ZNF99: variants seen among roughly 807,000 people sequenced by gnomAD.
ZNF99 encodes zinc finger protein 99, also known as zinc finger protein ENSP00000375192.
In ZNF99, 8 loss-of-function variants were observed where a neutral mutation model predicts 12.8. That is an observed-to-expected ratio of 0.62 (90% CI 0.37 to 1.13). ZNF99 has a LOEUF of 1.13. Among genes scored for constraint, ZNF99 ranks in the 50% most tolerant of loss-of-function variants. The pLI is 0.02. For synonymous variants in ZNF99, 318 were observed against 319.0 expected (o/e 1.00, Z 0.03); for missense variants, 1,007 against 1,006.2 (o/e 1.00, Z -0.01).
chr19:22,752,405 T>C lies in ZNF99; in HGVS notation c.*4909A>G, dbSNP rs966783771. On this transcript the variant is annotated 3_prime_UTR_variant, in exon 4 of 4. Coordinates refer to ENST00000596209, the MANE Select transcript of ZNF99 (RefSeq NM_001080409.3). The stretch of plus-strand genomic sequence containing the variant: ...TATGCTGGTATCAAAATATGCTATA[T>C]ATGGCAGAAATATATCTACACACTA... 2.0e-5 allele frequency: 3 copies of C among 151,382 alleles called. No individual in the cohort carries two copies. Among genetic ancestry groups the C allele is most frequent in the African/African-American group, 7.3e-5 (3 of 41,168 alleles). 9.4% of individuals were successfully genotyped at this position (151,382 alleles called of 1,614,324 possible).
chr19:22,755,456 CG>C lies in ZNF99; in HGVS notation c.*1857del. ...GTTTTGCCACACTCTTCACATGAGG[CG>C]GGTTTCTCTCTAATTTATCTTATAT... On this transcript the variant is annotated 3_prime_UTR_variant, in exon 4 of 4. Coordinates refer to ENST00000596209, the MANE Select transcript of ZNF99 (RefSeq NM_001080409.3). 1 of 277,534 alleles carries C rather than the reference CG, an allele frequency of 3.6e-6. No individual in the cohort carries two copies. Among genetic ancestry groups the C allele is most frequent in the South Asian group, 4.3e-5 (1 of 23,402 alleles). The allele number at this position is 277,534 out of a possible 1,614,324, so 17.2% of individuals were successfully genotyped here.
Position 22,773,311 on chromosome 19 carries a change from G to A in ZNF99, c.4-3987C>T, listed in dbSNP as rs186016345. ...TAAAAGACAAATTTTCTTCAGCCCC[G>A]GAGAAACTCCACAATAATAGAACAG... On this transcript the variant is annotated intron_variant, in intron 1 of 3. Transcript: ENST00000596209. Among the ~76,000 whole-genome samples the A allele has an allele frequency of 1.3e-4, 20 of 152,124 alleles. No individual in the cohort carries two copies. The East Asian group carries it at 1.9e-3, about 15-fold the overall frequency.
At position 22,754,485 on chromosome 19, in the gene ZNF99, A is replaced by ATTTATAAAAT. The variant is rs2145135546; in HGVS notation, c.*2819_*2828dup. ...TTAAAGCTTTTGTCACATTCTTCATATTTATAAAATTTATCTTCTGTATGA... is the reference window on the plus strand; with the variant it reads ...TTAAAGCTTTTGTCACATTCTTCATATTTATAAAATTTTATAAAATTTATCTTCTGTATGA... On this transcript the variant is annotated 3_prime_UTR_variant, in exon 4 of 4. Transcript: ENST00000596209. 2.4e-6 allele frequency: 1 copy of ATTTATAAAAT among 416,092 alleles called. No homozygotes were observed. The highest frequency in any genetic ancestry group is 1.8e-5 in the South Asian group (1 of 56,376). The allele number at this position is 416,092 out of a possible 1,614,324, so 25.8% of individuals were successfully genotyped here.
chr19:22,755,276 C>T lies in ZNF99; in HGVS notation c.*2038G>A, dbSNP rs1450080495. On this transcript the variant is annotated 3_prime_UTR_variant, in exon 4 of 4. Coordinates refer to ENST00000596209, the MANE Select transcript of ZNF99 (RefSeq NM_001080409.3). ...AACTGATTAAAAGCATTGCCACATT[C>T]TTCACATTTCTAGAGTTTGTCTTCA... 1 of 258,034 alleles carries T rather than the reference C, an allele frequency of 3.9e-6. No individual in the cohort carries two copies. The highest frequency in any genetic ancestry group is 8.0e-6 in the Non-Finnish European group (1 of 124,806). The allele number at this position is 258,034 out of a possible 1,614,324, so 16.0% of individuals were successfully genotyped here.
chr19:22,759,322 G>C lies in ZNF99; in HGVS notation c.587C>G (p.Thr196Ser), dbSNP rs1312129132. ...TTCACATTTGTAGATATTCTCTCTA[G>C]TATGAATTCTCTTATGTTGAATTAA... Reference protein sequence around the residue: ...SHLIQHKRIHTRENIYKCEER... With the variant: ...SHLIQHKRIHSRENIYKCEER... The change falls in exon 4 of 4, where the codon ACT becomes AGT. Residue 196 changes from threonine (T) to serine (S), a missense_variant. By Grantham distance (58) the Thr-to-Ser change is moderately conservative. Transcript: ENST00000596209. The C allele has an allele frequency of 7.1e-6, 11 of 1,548,994 alleles. No individual in the cohort carries two copies. The highest frequency in any genetic ancestry group is 8.7e-6 in the Non-Finnish European group (10 of 1,147,894).
At chr19:22,768,507 T>C (rs1973229685) in intron 2 of ZNF99, 107 bp from the exon 3 acceptor site, 1 of 858,282 alleles carries the variant, frequency 1.2e-6, no homozygotes, top group Non-Finnish European at 1.7e-6. Context: ...CCCTCAATAC[T>C]AATTTATAAC....
rs1973092179 is a variant in ZNF99 at position 22,757,988 on chromosome 19, TC to T, written c.1920del (p.Ile641Ter). 1 of 1,611,500 alleles carries T rather than the reference TC, an allele frequency of 6.2e-7. No individual in the cohort carries two copies. Among genetic ancestry groups the T allele is most frequent in the Non-Finnish European group, 8.5e-7 (1 of 1,178,582 alleles). ...FSQSSTLRKH[E>X]IIHTGEKPYK... ...TAGGGTTTCTCTCCAGTATGAATTA[TC>T]TCATGTTTTCTAAGGGTTGAGGACT... On this transcript the variant is annotated frameshift_variant, in exon 4 of 4. Coordinates refer to ENST00000596209, the MANE Select transcript of ZNF99 (RefSeq NM_001080409.3). LOFTEE classifies it low-confidence loss of function (END_TRUNC).
intron 3 of ZNF99, among the ~76,000 whole-genome samples, chr19:22,767,312 G>C (rs1794921994): frequency 6.6e-6 from 1 of 152,076 alleles, no homozygotes; most frequent in Admixed American, 6.6e-5. Context: ...AAAAGGAAAA[G>C]AAAGAAGATG....
chr19:22,770,982 A>T (rs1973262015), intron 1 of ZNF99: 1 of 148,308 alleles, frequency 6.7e-6, no homozygotes, highest in African/African-American at 2.5e-5. Context: ...TCTGTTGCCC[A>T]GGCGGGAGTG....
At position 22,757,390 on chromosome 19, in the gene ZNF99, A is replaced by AG. The variant is rs200518184; in HGVS notation, c.2518_2519insC (p.Met840ThrfsTer166). On this transcript the variant is annotated frameshift_variant, in exon 4 of 4. Coordinates refer to ENST00000596209, the MANE Select transcript of ZNF99 (RefSeq NM_001080409.3). LOFTEE classifies it low-confidence loss of function (END_TRUNC). ...CTTCACATTTGCAGGGTTTCTCTCC[A>AG]TATGAATTACCTTATGTAAAGTAAG... The AG allele has an allele frequency of 0.088, 142,034 of 1,610,210 alleles. 6,587 individuals are homozygous for AG. The highest frequency in any genetic ancestry group is 0.14 in the Middle Eastern group (835 of 6,048).
In ZNF99 at chr19:22,752,680, T is replaced by C. The variant is rs1429170965; in HGVS notation, c.*4634A>G. ...GGATAGGTTAAAGCGAGTGGCATAA[T>C]AACACTTCATTGAATGTACAACAGA... On this transcript the variant is annotated 3_prime_UTR_variant, in exon 4 of 4. Transcript: ENST00000596209. 1.3e-5 allele frequency: 2 copies of C among 152,116 alleles called. No individual in the cohort carries two copies. Among genetic ancestry groups the C allele is most frequent in the African/African-American group, 4.8e-5 (2 of 41,444 alleles). The allele number at this position is 152,116 out of a possible 1,614,324, so 9.4% of individuals were successfully genotyped here.
Position 22,772,942 on chromosome 19 carries a change from A to G in ZNF99, c.4-3618T>C, listed in dbSNP as rs1432764436. On this transcript the variant is annotated intron_variant, in intron 1 of 3. Coordinates refer to ENST00000596209, the MANE Select transcript of ZNF99 (RefSeq NM_001080409.3). The stretch of plus-strand genomic sequence containing the variant: ...ATTCCCATGTGTACATGTCTACTCA[A>G]TGCACACATGTTACTGTGACTGGGT... 3.9e-5 allele frequency among the ~76,000 whole-genome samples: 6 copies of G among 152,174 alleles called. No individual in the cohort carries two copies. In the South Asian group the frequency reaches 1.0e-3, roughly 26 times the overall value.
chr19:22,759,354 A>G lies in ZNF99; in HGVS notation c.555T>C (p.Leu185=). 1 of 1,550,764 alleles carries G rather than the reference A, an allele frequency of 6.4e-7. No homozygotes were observed. The highest frequency in any genetic ancestry group is 8.7e-7 in the Non-Finnish European group (1 of 1,148,262). Residue 185 remains leucine, a synonymous_variant, in exon 4 of 4, where the codon CTT becomes CTC. Transcript: ENST00000596209. Reference sequence around the variant, plus strand: ...TTCTCTTATGTTGAATTAAGTGTGAAAGCATGAAAAATGATTTGCTACATT... The same window carrying G: ...TTCTCTTATGTTGAATTAAGTGTGAGAGCATGAAAAATGATTTGCTACATT... ...CMKCSKSFFM[L]SHLIQHKRIH...
rs777104102 is a variant in ZNF99 at position 22,756,683 on chromosome 19, C to T, written c.*631G>A. ...ATAAGGGTCGAGAAATTGTTAAAAC[C>T]TTTGCCACATTCTTCACATTTGTAC... On this transcript the variant is annotated 3_prime_UTR_variant, in exon 4 of 4. Coordinates refer to ENST00000596209, the MANE Select transcript of ZNF99 (RefSeq NM_001080409.3). The T allele has an allele frequency of 6.8e-7, 1 of 1,464,354 alleles. No homozygotes were observed. Among genetic ancestry groups the T allele is most frequent in the South Asian group, 1.3e-5 (1 of 79,752 alleles). The allele number at this position is 1,464,354 out of a possible 1,614,324, so 90.7% of individuals were successfully genotyped here. A position where few individuals can be genotyped will look rare whatever the true frequency, so the allele number is the denominator to read the frequency against.
chr19:22,758,206 T>G lies in ZNF99; in HGVS notation c.1703A>C (p.Glu568Ala). Residue 568 changes from glutamate to alanine, a missense_variant, in exon 4 of 4, where the codon GAA becomes GCA. Glu to Ala is a moderately radical substitution (Grantham distance 107). Transcript: ENST00000596209. Reference protein sequence around the residue: ...IHTGKKPYKCEECGKAFKQSS... With the variant: ...IHTGKKPYKCAECGKAFKQSS... ...TTGCTTAAAAGCTTTGCCACATTCT[T>G]CACATTTGTATGGTTTCTTCCCAGT... The G allele has an allele frequency of 6.2e-7, 1 of 1,613,830 alleles. No individual in the cohort carries two copies. The highest frequency in any genetic ancestry group is 8.5e-7 in the Non-Finnish European group (1 of 1,179,816).
Position 22,756,906 on chromosome 19 carries a change from T to C in ZNF99, c.*408A>G. The C allele has an allele frequency of 1.2e-6, 2 of 1,610,826 alleles. No individual in the cohort carries two copies. The highest frequency in any genetic ancestry group is 1.7e-6 in the Non-Finnish European group (2 of 1,178,418). Reference sequence around the variant, plus strand: ...CTCTACAGTATGAATTACCTTATGTTCCATAAGTTTTGAGACCACTTAAAA... The same window carrying C: ...CTCTACAGTATGAATTACCTTATGTCCCATAAGTTTTGAGACCACTTAAAA... On this transcript the variant is annotated 3_prime_UTR_variant, in exon 4 of 4. Transcript: ENST00000596209.
intron 1 of ZNF99, 49 bp from the exon 2 acceptor site, chr19:22,769,373 C>T (rs766139156): frequency 6.4e-7 from 1 of 1,562,380 alleles, no homozygotes; most frequent in Non-Finnish European, 8.6e-7. Flanking sequence ...TGGCCATGGA[C>T]AGAATTTTTA....
chr19:22,759,209 A>G lies in ZNF99; in HGVS notation c.700T>C (p.Cys234Arg). 6.4e-7 allele frequency: 1 copy of G among 1,569,018 alleles called. No homozygotes were observed. Among genetic ancestry groups the G allele is most frequent in the Non-Finnish European group, 8.6e-7 (1 of 1,157,378 alleles). Reference sequence around the variant, plus strand: ...GAAGAGATGTTAAAAGCTTTGCCACATTTCTTATATTTGTAGGGTTTGTCT... The same window carrying G: ...GAAGAGATGTTAAAAGCTTTGCCACGTTTCTTATATTTGTAGGGTTTGTCT... ...TEDKPYKYKK[C>R]GKAFNISSMF... is the part of the protein sequence containing the mutation. Residue 234 changes from cysteine (C) to arginine (R), a missense_variant, in exon 4 of 4, where the codon TGT becomes CGT. By Grantham distance (180) the Cys-to-Arg change is radical. Coordinates refer to ENST00000596209, the MANE Select transcript of ZNF99 (RefSeq NM_001080409.3).
chr19:22,759,725 C>A, intron 3 of ZNF99, 43 bp from the exon 4 acceptor site: 1 of 1,357,580 alleles, frequency 7.4e-7, no homozygotes, highest in East Asian at 2.4e-5. Context: ...TTGCTAGACT[C>A]AGATGAATAT....
Sources: gnomAD v4.1 joint callset for allele counts (sites outside exome capture counted in the v4.1 genomes callset) on GRCh38, gnomAD v4.1.1 for gene constraint, MANE v1.5 for transcripts, NCBI Gene and HGNC (gene_info 2026-07-23, HGNC 2026-07-21) for gene names.